The following USP12 variants were observed in gnomAD, a reference collection of about 807,000 sequenced individuals.
USP12 encodes ubiquitin specific peptidase 12, also known as ubiquitin carboxyl-terminal hydrolase 12.
A neutral mutation model predicts 45.5 loss-of-function variants in USP12; 19 were observed. The ratio of observed to expected loss-of-function variants is 0.42; its 90% CI spans 0.29 to 0.61. The LOEUF is 0.61. Among genes scored for constraint, USP12 ranks in the 20% least tolerant of loss-of-function variants. The pLI is 0.22. For synonymous variants in USP12, 149 were observed against 148.8 expected (o/e 1.00, Z -0.01); for missense variants, 242 against 447.7 (o/e 0.54, Z 4.15).
rs71083634 is a variant in USP12, at chr13:27,155,066, C to CTTTTTTTT, written c.48+16518_48+16525dup. Among the ~76,000 whole-genome samples, 31 of 57,654 alleles carry CTTTTTTTT rather than the reference C, an allele frequency of 5.4e-4. 3 individuals are homozygous for CTTTTTTTT. The highest frequency in any genetic ancestry group is 1.4e-3 in the African/African-American group (17 of 12,142). The allele number at this position is 57,654 out of a possible 152,430, so 37.8% of individuals were successfully genotyped here. A position where few individuals can be genotyped will look rare whatever the true frequency, so the allele number is the denominator to read the frequency against. On this transcript the variant is annotated intron_variant, in intron 1 of 8. Transcript: ENST00000282344. ...TTTTTTTTTTTTCTGATGTCCACAA[C>CTTTTTTTT]TTTTTTTTTTTTTTTTTTTTTTTTT... is the stretch of plus-strand genomic sequence containing the variant.
At chr13:27,073,005 A>G (rs1593169189) in intron 7 of USP12, among the ~76,000 whole-genome samples, 1 of 152,248 alleles carries the variant, frequency 6.6e-6, no homozygotes, top group Non-Finnish European at 1.5e-5. Flanking sequence ...ACCTGTTCTC[A>G]TAAGGGAAGT....
chr13:27,150,897 A>G (rs1877535852), intron 1 of USP12, among the ~76,000 whole-genome samples: 1 of 152,214 alleles, frequency 6.6e-6, no homozygotes, highest in Non-Finnish European at 1.5e-5. Flanking sequence ...CATGTACAAA[A>G]AACTAACTCC....
In USP12 at chr13:27,068,219, T is replaced by C. The variant is rs1169278621; in HGVS notation, c.*1064A>G. On this transcript the variant is annotated 3_prime_UTR_variant, in exon 9 of 9. Coordinates refer to ENST00000282344, the MANE Select transcript of USP12 (RefSeq NM_182488.4). ...CAAGCATGATCTCAACTTGAAACATTAGAATACTTAAGAATTCTAAAGATT... is the reference window on the plus strand; with the variant it reads ...CAAGCATGATCTCAACTTGAAACATCAGAATACTTAAGAATTCTAAAGATT... The C allele has an allele frequency of 6.6e-6, 1 of 152,622 alleles. No individual in the cohort carries two copies. Among genetic ancestry groups the C allele is most frequent in the African/African-American group, 2.4e-5 (1 of 41,448 alleles). The allele number at this position is 152,622 out of a possible 1,614,324, so 9.5% of individuals were successfully genotyped here.
chr13:27,127,668 C>A (rs765146234), intron 1 of USP12, among the ~76,000 whole-genome samples: 1 of 152,172 alleles, frequency 6.6e-6, no homozygotes, highest in East Asian at 1.9e-4. Context: ...GGCAAGTTCT[C>A]AAAAACTGAA....
Position 27,105,722 on chromosome 13 carries a change from T to G in USP12, c.343+9A>C. 6.2e-7 allele frequency: 1 copy of G among 1,611,352 alleles called. No homozygotes were observed. Among genetic ancestry groups the G allele is most frequent in the Non-Finnish European group, 8.5e-7 (1 of 1,178,102 alleles). Reference sequence around the variant, plus strand: ...AGTATGTCATTAATACAGTGGGAAGTAGAATTACCATTTTCTTTCCGTAAT... The same window carrying G: ...AGTATGTCATTAATACAGTGGGAAGGAGAATTACCATTTTCTTTCCGTAAT... On this transcript the variant is annotated intron_variant, in intron 3 of 8. Coordinates refer to ENST00000282344, the MANE Select transcript of USP12 (RefSeq NM_182488.4).
chr13:27,120,082 G>C (rs1875913221), intron 1 of USP12, among the ~76,000 whole-genome samples: 1 of 152,174 alleles, frequency 6.6e-6, no homozygotes, highest in Non-Finnish European at 1.5e-5. Context: ...GATATAACTG[G>C]TGAAAAACCA....
At chr13:27,106,119 A>T (rs1311599926) in intron 2 of USP12, among the ~76,000 whole-genome samples, 175 bp from the exon 3 acceptor site, 1 of 152,178 alleles carries the variant, frequency 6.6e-6, no homozygotes, top group African/African-American at 2.4e-5. Context: ...TTCTTTGGAA[A>T]TCACAAAAGT....
intron 1 of USP12, among the ~76,000 whole-genome samples, chr13:27,130,354 G>A (rs1019985349): frequency 2.6e-5 from 4 of 152,104 alleles, no homozygotes; most frequent in Non-Finnish European, 5.9e-5. Context: ...TCCAGAGATA[G>A]TAAGACAGAA....
At chr13:27,122,813 G>A (rs1442787457) in intron 1 of USP12, among the ~76,000 whole-genome samples, 1 of 152,076 alleles carries the variant, frequency 6.6e-6, no homozygotes, top group Non-Finnish European at 1.5e-5. Context: ...AGGAAACGTG[G>A]CCAGGCGCGG....
intron 1 of USP12, among the ~76,000 whole-genome samples, chr13:27,134,990 T>C (rs973626540): frequency 6.6e-6 from 1 of 152,146 alleles, no homozygotes; most frequent in South Asian, 2.1e-4. Flanking sequence ...AATAAAAATA[T>C]ATCCTAAAAC....
intron 7 of USP12, among the ~76,000 whole-genome samples, chr13:27,074,940 A>G (rs1873408618): frequency 6.6e-6 from 1 of 152,212 alleles, no homozygotes; most frequent in South Asian, 2.1e-4. Context: ...AACAGATCTC[A>G]AAGTTCTAGG....
intron 1 of USP12, among the ~76,000 whole-genome samples, chr13:27,151,794 A>C (rs1386597385): frequency 6.6e-6 from 1 of 152,208 alleles, no homozygotes; most frequent in Non-Finnish European, 1.5e-5. Flanking sequence ...ACAAAACAAC[A>C]AAAAACTCAC....
rs375183824 is a variant in USP12, at chr13:27,122,143, G to A, written c.49-5547C>T. 4.6e-5 allele frequency among the ~76,000 whole-genome samples: 7 copies of A among 152,050 alleles called. No homozygotes were observed. The East Asian group carries it at 5.8e-4, about 13-fold the overall frequency. On this transcript the variant is annotated intron_variant, in intron 1 of 8. Coordinates refer to ENST00000282344, the MANE Select transcript of USP12 (RefSeq NM_182488.4). ...TCAAGACCAACCTGGGCAACATGGC[G>A]AAACCCCGTGATATGGTTTGGCTCT... is the stretch of plus-strand genomic sequence containing the variant.
At chr13:27,086,197 A>AAAATAT (rs1555233235) in intron 6 of USP12, among the ~76,000 whole-genome samples, 1 of 56,938 alleles carries the variant, frequency 1.8e-5, no homozygotes, top group East Asian at 6.3e-4. Context: ...AAAAAAAAAA[A>AAAATAT]ATATATATAT....
At chr13:27,136,319 G>C (rs372952115) in intron 1 of USP12, among the ~76,000 whole-genome samples, 1 of 152,128 alleles carries the variant, frequency 6.6e-6, no homozygotes, top group Non-Finnish European at 1.5e-5. Context: ...CCAACATGGC[G>C]AAACCCCATC....
At chr13:27,102,001 T>A (rs1401576707) in intron 3 of USP12, among the ~76,000 whole-genome samples, 1 of 136,218 alleles carries the variant, frequency 7.3e-6, no homozygotes, top group East Asian at 2.3e-4. Flanking sequence ...GAGATGTATT[T>A]CCCATTTTTT....
intron 7 of USP12, among the ~76,000 whole-genome samples, chr13:27,074,723 G>A (rs971574687): frequency 5.3e-5 from 8 of 152,132 alleles, no homozygotes; most frequent in Non-Finnish European, 1.2e-4. Flanking sequence ...ATGAGAAGAA[G>A]ACAGAAAGCA....
At chr13:27,167,987 CAG>C (rs1389553565) in intron 1 of USP12, among the ~76,000 whole-genome samples, 1 of 152,172 alleles carries the variant, frequency 6.6e-6, no homozygotes, top group Non-Finnish European at 1.5e-5. Context: ...GTTATTAAAA[CAG>C]AGCAAACAAA....
chr13:27,087,239 T>C (rs1374779565), intron 6 of USP12, among the ~76,000 whole-genome samples: 1 of 119,588 alleles, frequency 8.4e-6, no homozygotes, highest in Non-Finnish European at 1.7e-5. Context: ...TAAGTAAATA[T>C]AGTGGGGAGG....
Sources: gnomAD v4.1 joint callset for allele counts (sites outside exome capture counted in the v4.1 genomes callset) on GRCh38, gnomAD v4.1.1 for gene constraint, MANE v1.5 for transcripts, NCBI Gene and HGNC (gene_info 2026-07-23, HGNC 2026-07-21) for gene names.